The following DTNA variants were observed in gnomAD, a reference collection of about 807,000 sequenced individuals.
DTNA encodes the protein dystrobrevin alpha, also known as dystrophin-related protein 3.
A neutral mutation model predicts 100.7 loss-of-function variants in DTNA; 43 were observed. The observed-to-expected ratio is 0.43, with a 90% CI of 0.33 to 0.55. The LOEUF (loss-of-function observed/expected upper bound fraction) is 0.55. DTNA is among the 20% of genes least tolerant of loss of function. The pLI is 0.04. For missense variants in DTNA, 798 were observed against 953.9 expected (o/e 0.84, Z 2.15); for synonymous variants, 349 against 347.9 (o/e 1.00, Z -0.04).
intron 2 of DTNA, among the ~76,000 whole-genome samples, chr18:34,765,042 G>A (rs755752824): frequency 1.1e-4 from 16 of 152,172 alleles, no homozygotes; most frequent in Admixed American, 2.0e-4. Flanking sequence ...ATTGAGATGA[G>A]ACTGACCAAG....
intron 17 of DTNA, chr18:34,867,390 C>G: frequency 8.1e-7 from 1 of 1,228,618 alleles, no homozygotes; most frequent in Non-Finnish European, 1.0e-6. Flanking sequence ...CAAATTTTAA[C>G]AGAAGACAGT....
intron 1 of DTNA, among the ~76,000 whole-genome samples, chr18:34,677,152 ACTT>A (rs1249474710): frequency 2.0e-5 from 3 of 152,158 alleles, no homozygotes; most frequent in East Asian, 1.9e-4. Flanking sequence ...AAGTGGGGCC[ACTT>A]CTTAGTAGAA....
intron 1 of DTNA, among the ~76,000 whole-genome samples, chr18:34,695,683 G>A (rs997009455): frequency 4.6e-5 from 7 of 152,168 alleles, no homozygotes; most frequent in South Asian, 2.1e-4. Flanking sequence ...AAGAATTAGC[G>A]TTTAACATAA....
rs184377973 is a variant in DTNA at position 34,803,559 on chromosome 18, C to A, written c.363-2660C>A. Among the ~76,000 whole-genome samples, 171 of 152,256 alleles carry A rather than the reference C, an allele frequency of 1.1e-3. 1 individual carries two copies. The highest frequency in any genetic ancestry group is 2.2e-3 in the Non-Finnish European group (150 of 68,028). On this transcript the variant is annotated intron_variant, in intron 4 of 22. Coordinates refer to ENST00000444659, the MANE Select transcript of DTNA (RefSeq NM_001386795.1). ...GAAAGGAACTGTATTGCTCTTGAAGCCTCACATATAATGCTCCTCGATTTC... is the reference window on the plus strand; with the variant it reads ...GAAAGGAACTGTATTGCTCTTGAAGACTCACATATAATGCTCCTCGATTTC...
chr18:34,686,888 A>G (rs1312503946), intron 1 of DTNA, among the ~76,000 whole-genome samples: 3 of 152,156 alleles, frequency 2.0e-5, no homozygotes, highest in Non-Finnish European at 2.9e-5. Flanking sequence ...GTATGTGTCC[A>G]AGAATTTATC....
chr18:34,674,679 A>C (rs2077180622), intron 1 of DTNA, among the ~76,000 whole-genome samples: 1 of 152,250 alleles, frequency 6.6e-6, no homozygotes, highest in Non-Finnish European at 1.5e-5. Flanking sequence ...ATGTGAAAAC[A>C]TGAGCTTTGT....
intron 1 of DTNA, among the ~76,000 whole-genome samples, chr18:34,581,703 C>G (rs2048665592): frequency 6.6e-6 from 1 of 151,100 alleles, no homozygotes; most frequent in African/African-American, 2.4e-5. Context: ...TCACTGCACC[C>G]TCCACCTCCT....
rs761724760 is a variant in DTNA at position 34,890,460 on chromosome 18, C to T, written c.*2726C>T. On this transcript the variant is annotated 3_prime_UTR_variant, in exon 23 of 23. Transcript: ENST00000444659. ...TTCTAAGTGCAAACCCAGCAAGTTT[C>T]ACTTGTCCTGTCCATTAGATACAAC... is the stretch of plus-strand genomic sequence containing the variant. 6.3e-5 allele frequency: 97 copies of T among 1,535,966 alleles called. No individual in the cohort carries two copies. The highest frequency in any genetic ancestry group is 3.5e-5 in the Non-Finnish European group (40 of 1,146,894).
At chr18:34,562,723 AG>A (rs1178344116) in intron 1 of DTNA, among the ~76,000 whole-genome samples, 11 of 152,178 alleles carry the variant, frequency 7.2e-5, no homozygotes, top group African/African-American at 2.4e-4. Flanking sequence ...TCTAACTCTG[AG>A]GGTGAGGCCC....
chr18:34,844,231 A>G (rs1418518101), intron 13 of DTNA, among the ~76,000 whole-genome samples: 1 of 152,160 alleles, frequency 6.6e-6, no homozygotes, highest in African/African-American at 2.4e-5. Flanking sequence ...GGTCTCCTTT[A>G]AGGAAGCCAT....
chr18:34,846,612 G>T (rs1018934169), intron 13 of DTNA, among the ~76,000 whole-genome samples: 1 of 151,958 alleles, frequency 6.6e-6, no homozygotes, highest in Non-Finnish European at 1.5e-5. Flanking sequence ...ATATGCAAGG[G>T]GTGTAGGCTA....
At chr18:34,739,793 G>C (rs1440939885) in intron 1 of DTNA, among the ~76,000 whole-genome samples, 2 of 152,144 alleles carry the variant, frequency 1.3e-5, no homozygotes, top group Admixed American at 6.5e-5. Context: ...TGACTTCTGA[G>C]TTTCATTGTT....
rs2096964935 is a variant in DTNA, at chr18:34,891,594, T to G, written c.*3860T>G. 6.6e-6 allele frequency: 1 copy of G among 152,202 alleles called. No individual in the cohort carries two copies. Among genetic ancestry groups the G allele is most frequent in the African/African-American group, 2.4e-5 (1 of 41,436 alleles). The allele number at this position is 152,202 out of a possible 1,614,324, so 9.4% of individuals were successfully genotyped here. The stretch of plus-strand genomic sequence containing the variant: ...GCATGGTTTTTACCATTCTACTGTT[T>G]TATTAGCATCTGTGAGCATCTAATA... On this transcript the variant is annotated 3_prime_UTR_variant, in exon 23 of 23. Coordinates refer to ENST00000444659, the MANE Select transcript of DTNA (RefSeq NM_001386795.1).
intron 4 of DTNA, among the ~76,000 whole-genome samples, chr18:34,798,604 T>C (rs550918423): frequency 1.2e-4 from 19 of 152,350 alleles, no homozygotes; most frequent in South Asian, 1.0e-3. Context: ...AAGTAGATTA[T>C]GTGACTCTAG....
chr18:34,698,112 C>A (rs1253497838), intron 1 of DTNA, among the ~76,000 whole-genome samples: 1 of 152,166 alleles, frequency 6.6e-6, no homozygotes, highest in Non-Finnish European at 1.5e-5. Flanking sequence ...TTGGGTCTTG[C>A]CTCTCCACTC....
intron 2 of DTNA, among the ~76,000 whole-genome samples, chr18:34,762,626 A>G (rs193102487): frequency 3.3e-4 from 51 of 152,346 alleles, no homozygotes; most frequent in Non-Finnish European, 5.9e-4. Context: ...GTAAGAGGCT[A>G]TGTATCATAT....
At chr18:34,879,818 T>C in intron 20 of DTNA, 99 bp downstream of exon 20, 1 of 1,459,074 alleles carries the variant, frequency 6.9e-7, no homozygotes, top group Non-Finnish European at 9.4e-7. Context: ...TTTTTTAACC[T>C]TCAGAAGGGG....
At chr18:34,577,381 A>G (rs2146565032) in intron 1 of DTNA, among the ~76,000 whole-genome samples, 1 of 152,278 alleles carries the variant, frequency 6.6e-6, no homozygotes, top group South Asian at 2.1e-4. Context: ...TATAAACAGC[A>G]TGTAGTTTGG....
chr18:34,621,086 C>T (rs1042961819), intron 1 of DTNA, among the ~76,000 whole-genome samples: 6 of 151,226 alleles, frequency 4.0e-5, no homozygotes, highest in Admixed American at 4.0e-4. Context: ...ATCTCCTTCT[C>T]TCAGTTCTAC....
Sources: allele counts gnomAD v4.1 joint callset (sites outside exome capture counted in the v4.1 genomes callset), GRCh38; gene constraint gnomAD v4.1.1; transcripts MANE v1.5; gene names NCBI Gene and HGNC (gene_info 2026-07-23, HGNC 2026-07-21).